ANKRD17: variants seen among roughly 807,000 people sequenced by gnomAD.
ANKRD17 encodes the protein ankyrin repeat domain-containing protein 17.
A neutral mutation model predicts 229.7 loss-of-function variants in ANKRD17; 19 were observed. The ratio of observed to expected loss-of-function variants is 0.08; its 90% CI spans 0.06 to 0.12. The LOEUF (loss-of-function observed/expected upper bound fraction) is 0.12, where lower values mean the gene tolerates loss of function less well. ANKRD17 is among the 10% of genes least tolerant of loss of function. The pLI, the probability that ANKRD17 is intolerant of heterozygous loss-of-function variation, is 1.00. For synonymous variants in ANKRD17, 1,112 were observed against 1,146.1 expected, an observed-to-expected ratio of 0.97 and a Z score of 0.60; for missense variants, 2,176 against 3,176.8, an observed-to-expected ratio of 0.68 and a Z score of 7.57.
chr4:73,179,149 A>T (rs1332280346), intron 1 of ANKRD17, among the ~76,000 whole-genome samples: 2 of 152,026 alleles, frequency 1.3e-5, no homozygotes, highest in Non-Finnish European at 2.9e-5. Flanking sequence ...AAAACATTTA[A>T]TACTAAATTT....
At chr4:73,169,299 G>C (rs1392177734) in intron 2 of ANKRD17, among the ~76,000 whole-genome samples, 1 of 152,060 alleles carries the variant, frequency 6.6e-6, no homozygotes, top group African/African-American at 2.4e-5. Flanking sequence ...ACTATGCTTG[G>C]GCGCCATTTT....
At position 73,153,917 on chromosome 4, in the gene ANKRD17, T is replaced by A. The variant is rs1731318258; in HGVS notation, c.1197A>T (p.Glu399Asp). 6.2e-7 allele frequency: 1 copy of A among 1,608,110 alleles called. No individual in the cohort carries two copies. Among genetic ancestry groups the A allele is most frequent in the Admixed American group, 1.7e-5 (1 of 58,820 alleles). The change falls in exon 6 of 34, where the codon GAA (glutamate) becomes GAT (aspartate). Residue 399 changes from glutamate to aspartate, a missense_variant. Around this residue, in one of 18 missense-constraint regions of ANKRD17, gnomAD observed 184 missense variants for 357.8 expected, o/e 0.51. Coordinates refer to ENST00000358602, the MANE Select transcript of ANKRD17 (RefSeq NM_032217.5). ...CTAAGGTAAGGGCACTCTCTTTAAA[T>A]TCATTAGAATGCGTATTAATGCCAG... Reference protein sequence around the residue: ...NGAGINTHSNEFKESALTLAC... With the variant: ...NGAGINTHSNDFKESALTLAC...
chr4:73,258,424 G>T lies in ANKRD17; in HGVS notation c.245C>A (p.Pro82His), dbSNP rs780679054. 8.1e-6 allele frequency: 13 copies of T among 1,610,546 alleles called. No individual in the cohort carries two copies. The highest frequency in any genetic ancestry group is 2.5e-6 in the Non-Finnish European group (3 of 1,179,258). Residue 82 changes from proline (P) to histidine (H), a missense_variant, in exon 1 of 34, where the codon CCC becomes CAC. This residue lies in a region of ANKRD17 where 196 missense variants were observed against 190.0 expected (regional missense o/e 1.03). Coordinates refer to ENST00000358602, the MANE Select transcript of ANKRD17 (RefSeq NM_032217.5). Reference sequence around the variant, plus strand: ...GCTGCTGCTTTCGCTGCTGCTGGGGGGTCGGCAAGTCCGGTTACGCTTGGC... The same window carrying T: ...GCTGCTGCTTTCGCTGCTGCTGGGGTGTCGGCAAGTCCGGTTACGCTTGGC... The part of the protein sequence containing the change: ...HKAKRNRTCR[P>H]PSSSESSSDS...
At chr4:73,233,211 C>A (rs1743219370) in intron 1 of ANKRD17, among the ~76,000 whole-genome samples, 1 of 152,102 alleles carries the variant, frequency 6.6e-6, no homozygotes. Context: ...ATTTTGCTTT[C>A]ATATCTTGAT....
rs139806493 is a variant in ANKRD17 at position 73,215,735 on chromosome 4, T to C, written c.394-38202A>G. Among the ~76,000 whole-genome samples the C allele has an allele frequency of 2.6e-5, 4 of 152,372 alleles. No individual in the cohort carries two copies. In the East Asian group the frequency reaches 7.7e-4, roughly 29 times the overall value. On this transcript the variant is annotated intron_variant, in intron 1 of 33. Coordinates refer to ENST00000358602, the MANE Select transcript of ANKRD17 (RefSeq NM_032217.5). ...ATTGTTTCAGATTCCACACTGCAAC[T>C]AACCTTTAAGAAACTACCACTTGTG... is the stretch of plus-strand genomic sequence containing the variant.
intron 1 of ANKRD17, among the ~76,000 whole-genome samples, chr4:73,200,116 C>T (rs1738450045): frequency 6.6e-6 from 1 of 152,076 alleles, no homozygotes; most frequent in Non-Finnish European, 1.5e-5. Flanking sequence ...AAAAGTCTAC[C>T]ATGACAGACC....
At chr4:73,142,578 G>A in intron 12 of ANKRD17, 62 bp downstream of exon 12, 3 of 1,611,562 alleles carry the variant, frequency 1.9e-6, no homozygotes, top group African/African-American at 1.3e-5. Flanking sequence ...ATGATATGTT[G>A]TAACAATGAC....
At chr4:73,147,151 G>T in intron 9 of ANKRD17, 90 bp downstream of exon 9, 1 of 1,233,980 alleles carries the variant, frequency 8.1e-7, no homozygotes, top group Non-Finnish European at 1.1e-6. Flanking sequence ...CACATTCAGT[G>T]TATCATAGCA....
chr4:73,078,206 G>A (rs1318056287), intron 31 of ANKRD17, among the ~76,000 whole-genome samples: 2 of 152,058 alleles, frequency 1.3e-5, no homozygotes, highest in African/African-American at 4.8e-5. Flanking sequence ...GTGAAACCCC[G>A]TCTCTACTAA....
At chr4:73,209,677 T>A (rs1006736108) in intron 1 of ANKRD17, among the ~76,000 whole-genome samples, 1 of 152,222 alleles carries the variant, frequency 6.6e-6, no homozygotes, top group Non-Finnish European at 1.5e-5. Context: ...TAAAGAGCAC[T>A]ATGCCTTAAA....
intron 22 of ANKRD17, among the ~76,000 whole-genome samples, chr4:73,116,808 T>C (rs1726016103): frequency 6.6e-6 from 1 of 151,824 alleles, no homozygotes; most frequent in Admixed American, 6.6e-5. Flanking sequence ...ATAGACAATA[T>C]GTATATACAT....
chr4:73,200,988 G>A (rs983418368), intron 1 of ANKRD17, among the ~76,000 whole-genome samples: 3 of 22,394 alleles, frequency 1.3e-4, no homozygotes, highest in African/African-American at 4.0e-4. Context: ...CAGTATGGGC[G>A]GGGGGGGGGG....
chr4:73,232,205 G>C (rs1743110440), intron 1 of ANKRD17, among the ~76,000 whole-genome samples: 1 of 152,064 alleles, frequency 6.6e-6, no homozygotes, highest in South Asian at 2.1e-4. Flanking sequence ...AGAAGGAAGG[G>C]GGAGAAAAAG....
intron 7 of ANKRD17, among the ~76,000 whole-genome samples, chr4:73,150,690 G>A (rs1730889027): frequency 6.6e-6 from 1 of 152,202 alleles, no homozygotes; most frequent in Non-Finnish European, 1.5e-5. Flanking sequence ...AAGGGAAGAT[G>A]AGACAAGAAA....
At chr4:73,231,000 A>G (rs1417183183) in intron 1 of ANKRD17, among the ~76,000 whole-genome samples, 1 of 152,250 alleles carries the variant, frequency 6.6e-6, no homozygotes, top group African/African-American at 2.4e-5. Context: ...AAGTGCATAC[A>G]TAACAGAAAT....
At position 73,135,174 on chromosome 4, in the gene ANKRD17, A is replaced by G; in HGVS notation, c.3177T>C (p.Pro1059=). ...ISQPQTPTPS[P]IISPSAMLPI... ...GAAGCATGGCTGAAGGAGAGATGATAGGACTTGGAGTTGGAGTCTGAGGTT... is the reference window on the plus strand; with the variant it reads ...GAAGCATGGCTGAAGGAGAGATGATGGGACTTGGAGTTGGAGTCTGAGGTT... Residue 1059 remains proline (P), a synonymous_variant, in exon 16 of 34, where the codon CCT becomes CCC. Coordinates refer to ENST00000358602, the MANE Select transcript of ANKRD17 (RefSeq NM_032217.5). The G allele has an allele frequency of 6.2e-7, 1 of 1,613,904 alleles. No homozygotes were observed. Among genetic ancestry groups the G allele is most frequent in the South Asian group, 1.1e-5 (1 of 91,078 alleles).
At chr4:73,124,685 T>C (rs770140855) in intron 18 of ANKRD17, among the ~76,000 whole-genome samples, 4 of 152,212 alleles carry the variant, frequency 2.6e-5, no homozygotes, top group African/African-American at 4.8e-5. Context: ...CGTAAATGCA[T>C]GGCATTCCTA....
At chr4:73,249,847 C>T (rs993159321) in intron 1 of ANKRD17, among the ~76,000 whole-genome samples, 3 of 152,066 alleles carry the variant, frequency 2.0e-5, no homozygotes, top group Non-Finnish European at 4.4e-5. Flanking sequence ...CAGAGCGAGA[C>T]TTCGTCTCAA....
rs1739247257 is a variant in ANKRD17 at position 73,204,904 on chromosome 4, AAAAATACTCAC to A, written c.394-27382_394-27372del. On this transcript the variant is annotated intron_variant, in intron 1 of 33. Transcript: ENST00000358602. ...AATAAAAGGGACAAAAAGGAATACT[AAAAATACTCAC>A]AAAATACTTTTTTTGTGAGTAAAAA... is the stretch of plus-strand genomic sequence containing the variant. Among the ~76,000 whole-genome samples, 4 of 148,086 alleles carry A rather than the reference AAAAATACTCAC, an allele frequency of 2.7e-5. No individual in the cohort carries two copies. In the South Asian group the frequency reaches 8.5e-4, roughly 32 times the overall value.
Sources: allele counts gnomAD v4.1 joint callset (sites outside exome capture counted in the v4.1 genomes callset), GRCh38; gene constraint gnomAD v4.1.1; regional missense constraint gnomAD v4.1.1; transcripts MANE v1.5; gene names NCBI Gene and HGNC (gene_info 2026-07-23, HGNC 2026-07-21).